PHKB: variants seen among roughly 807,000 people sequenced by gnomAD.
The protein encoded by PHKB is phosphorylase kinase regulatory subunit beta.
In PHKB, 122 loss-of-function variants were observed where a neutral mutation model predicts 152.1. The observed-to-expected ratio is 0.80, with a 90% CI of 0.69 to 0.93. PHKB has a LOEUF of 0.93. Ranked by LOEUF, PHKB falls within the 40% of genes least tolerant of loss-of-function variation. PHKB has a pLI of 0.00. For synonymous variants in PHKB, 436 were observed against 464.9 expected (o/e 0.94, Z 0.80); for missense variants, 1,304 against 1,328.4 (o/e 0.98, Z 0.29).
At chr16:47,519,768 G>A (rs760991367) in intron 6 of PHKB, among the ~76,000 whole-genome samples, 24 of 152,188 alleles carry the variant, frequency 1.6e-4, no homozygotes, top group Non-Finnish European at 3.2e-4. Flanking sequence ...TAGGAGTTAC[G>A]TATGATCAGG....
At position 47,669,149 on chromosome 16, in the gene PHKB, A is replaced by T. The variant is rs1973590718; in HGVS notation, c.2428-66A>T. On this transcript the variant is annotated intron_variant, in intron 25 of 30. Transcript: ENST00000323584. ...AGCCTGCCAGTCATTCTGAGCCTTG[A>T]TTTTTTTTTAATTTTTATCTTTTAG... 14 of 1,272,408 alleles carry T rather than the reference A, an allele frequency of 1.1e-5. 2 individuals carry two copies. The South Asian group carries it at 1.7e-4, about 15-fold the overall frequency. 78.8% of individuals were successfully genotyped at this position (1,272,408 alleles called of 1,614,324 possible).
Position 47,637,707 on chromosome 16 carries a change from A to G in PHKB, c.1459-3328A>G, listed in dbSNP as rs147570938. On this transcript the variant is annotated intron_variant, in intron 14 of 30. Coordinates refer to ENST00000323584, the MANE Select transcript of PHKB (RefSeq NM_000293.3). ...AAGTACAGAGGCAAGAAAGGTAAGG[A>G]CATAGTTATAGTCTTATATTTGAGA... Among the ~76,000 whole-genome samples, 639 of 152,302 alleles carry G rather than the reference A, an allele frequency of 4.2e-3. 6 individuals carry two copies. Among genetic ancestry groups the G allele is most frequent in the African/African-American group, 0.015 (609 of 41,564 alleles).
chr16:47,537,144 G>T (rs1333860697), intron 6 of PHKB, among the ~76,000 whole-genome samples: 1 of 152,216 alleles, frequency 6.6e-6, no homozygotes, highest in Non-Finnish European at 1.5e-5. Context: ...GTGAAAAATA[G>T]CAGCCTTCCT....
At chr16:47,661,860 C>T in intron 23 of PHKB, 60 bp downstream of exon 23, 1 of 983,680 alleles carries the variant, frequency 1.0e-6, no homozygotes, top group Non-Finnish European at 1.7e-6. Flanking sequence ...GAACATATAT[C>T]AAATATGCAT....
At chr16:47,532,957 G>A (rs551854654) in intron 6 of PHKB, among the ~76,000 whole-genome samples, 3 of 152,332 alleles carry the variant, frequency 2.0e-5, no homozygotes, top group African/African-American at 7.2e-5. Flanking sequence ...ACAACTTAGA[G>A]GAGACCTGCA....
At position 47,641,705 on chromosome 16, in the gene PHKB, GC is replaced by G. The variant is rs748906480; in HGVS notation, c.1608+15del. On this transcript the variant is annotated intron_variant, in intron 16 of 30. Coordinates refer to ENST00000323584, the MANE Select transcript of PHKB (RefSeq NM_000293.3). ...GGAGCTTGTGAAAGTAAGTGATTCT[GC>G]CTTTTACTTTCCTTACTTTGTAGAG... The G allele has an allele frequency of 1.3e-5, 18 of 1,396,170 alleles. No individual in the cohort carries two copies. The South Asian group carries it at 2.0e-4, about 15-fold the overall frequency. The allele number at this position is 1,396,170 out of a possible 1,614,324, so 86.5% of individuals were successfully genotyped here.
intron 9 of PHKB, among the ~76,000 whole-genome samples, chr16:47,588,110 C>G (rs575867245): frequency 6.6e-6 from 1 of 151,996 alleles, no homozygotes; most frequent in African/African-American, 2.4e-5. Flanking sequence ...ATAAAATAAC[C>G]TTCCATTCCT....
chr16:47,658,602 A>G (rs1384634303), intron 20 of PHKB, among the ~76,000 whole-genome samples: 1 of 152,212 alleles, frequency 6.6e-6, no homozygotes, highest in Non-Finnish European at 1.5e-5. Flanking sequence ...ATCTTTAGAT[A>G]CACAAATATC....
In PHKB at chr16:47,696,362, G is replaced by A; in HGVS notation, c.2896-19G>A. 8.5e-7 allele frequency: 1 copy of A among 1,182,160 alleles called. No homozygotes were observed. Among genetic ancestry groups the A allele is most frequent in the South Asian group, 1.2e-5 (1 of 82,372 alleles). The allele number at this position is 1,182,160 out of a possible 1,614,324, so 73.2% of individuals were successfully genotyped here. ...GAGCATAACGGTTCAGCATGTTAAT[G>A]TGGAGTTATTTTTTTCAGCAACCAA... On this transcript the variant is annotated intron_variant, in intron 28 of 30. Transcript: ENST00000323584.
chr16:47,504,201 C>T (rs1473171313), intron 4 of PHKB, among the ~76,000 whole-genome samples: 1 of 152,190 alleles, frequency 6.6e-6, no homozygotes, highest in Admixed American at 6.5e-5. Context: ...GGAGTCCTCC[C>T]CAGTGGGGTC....
At chr16:47,548,271 T>C (rs1342628817) in intron 7 of PHKB, 1 of 152,264 alleles carries the variant, frequency 6.6e-6, no homozygotes, top group Admixed American at 6.5e-5. Context: ...AAGCTAAAAG[T>C]TATCACTGTC....
upstream of PHKB, chr16:47,461,330 C>T (rs779145834): frequency 1.9e-6 from 3 of 1,593,610 alleles, no homozygotes; most frequent in East Asian, 2.3e-5. Flanking sequence ...GGGCGGTGGC[C>T]AAGGCGGCGA....
chr16:47,538,512 C>T (rs1381740777), intron 6 of PHKB, among the ~76,000 whole-genome samples: 2 of 152,226 alleles, frequency 1.3e-5, no homozygotes, highest in Non-Finnish European at 2.9e-5. Context: ...TTCTGTGAGG[C>T]CTTAACACCC....
chr16:47,519,315 G>A (rs138191862), intron 6 of PHKB, among the ~76,000 whole-genome samples: 2 of 152,280 alleles, frequency 1.3e-5, no homozygotes, highest in Non-Finnish European at 2.9e-5. Flanking sequence ...AACTACCTCA[G>A]AACTTAGTTT....
intron 6 of PHKB, among the ~76,000 whole-genome samples, chr16:47,537,147 G>C (rs1027843828): frequency 7.2e-5 from 11 of 152,214 alleles, no homozygotes; most frequent in African/African-American, 2.7e-4. Flanking sequence ...AAAAATAGCA[G>C]CCTTCCTGTG....
At chr16:47,623,452 A>G (rs1318312901) in intron 14 of PHKB, among the ~76,000 whole-genome samples, 2 of 149,418 alleles carry the variant, frequency 1.3e-5, no homozygotes, top group Non-Finnish European at 3.0e-5. Context: ...CACTGTATAG[A>G]CAGAAGCCAT....
chr16:47,562,947 A>G (rs1013621241), intron 7 of PHKB, among the ~76,000 whole-genome samples: 2 of 152,206 alleles, frequency 1.3e-5, no homozygotes, highest in Non-Finnish European at 2.9e-5. Flanking sequence ...GCTGTTTACC[A>G]GGGGTAAATT....
At chr16:47,506,269 TAAA>T (rs201745641) in intron 4 of PHKB, among the ~76,000 whole-genome samples, 1 of 150,338 alleles carries the variant, frequency 6.7e-6, no homozygotes, top group Non-Finnish European at 1.5e-5. Context: ...CAAGTCAAAA[TAAA>T]AAAAAATCAT....
intron 7 of PHKB, among the ~76,000 whole-genome samples, chr16:47,558,693 C>T (rs966162382): frequency 1.3e-5 from 2 of 152,186 alleles, no homozygotes; most frequent in African/African-American, 4.8e-5. Flanking sequence ...GGATTACAGG[C>T]ATGTGCTACC....
Sources: allele counts gnomAD v4.1 joint callset (sites outside exome capture counted in the v4.1 genomes callset), GRCh38; gene constraint gnomAD v4.1.1; transcripts MANE v1.5; gene names NCBI Gene and HGNC (gene_info 2026-07-23, HGNC 2026-07-21).